The following SMU1 variants were observed in gnomAD, a reference collection of about 807,000 sequenced individuals.
SMU1 encodes the protein WD40 repeat-containing protein SMU1.
A neutral mutation model predicts 62.0 loss-of-function variants in SMU1; 2 were observed. The observed-to-expected ratio is 0.03, with a 90% CI of 0.01 to 0.10. SMU1 has a LOEUF of 0.10. Among genes scored for constraint, SMU1 ranks in the 10% least tolerant of loss-of-function variants. The pLI is 1.00. For synonymous variants in SMU1, 188 were observed against 212.4 expected, an observed-to-expected ratio of 0.89 and a Z score of 1.00; for missense variants, 227 against 622.1, an observed-to-expected ratio of 0.36 and a Z score of 6.76.
intron 3 of SMU1, 72 bp downstream of exon 3, chr9:33,071,663 TAAAAA>T: frequency 1.2e-5 from 14 of 1,159,698 alleles, no homozygotes; most frequent in Admixed American, 3.0e-5. Flanking sequence ...AATAAAATGG[TAAAAA>T]AAAAAAAAAA....
In SMU1 at chr9:33,067,297, CAAA is replaced by C. The variant is rs58105257; in HGVS notation, c.501+1524_501+1526del. On this transcript the variant is annotated intron_variant, in intron 4 of 11. Transcript: ENST00000397149. ...CTGAAGAAAGTTAGTTGCTAATGAC[CAAA>C]AAAAAAAAAAAAAAAAAAAAAAAAT... Among the ~76,000 whole-genome samples, 337 of 52,742 alleles carry C rather than the reference CAAA, an allele frequency of 6.4e-3. 1 individual carries two copies. Among genetic ancestry groups the C allele is most frequent in the African/African-American group, 0.033 (324 of 9,776 alleles). The allele number at this position is 52,742 out of a possible 152,430, so 34.6% of individuals were successfully genotyped here.
chr9:33,057,754 A>T, intron 6 of SMU1, 40 bp from the exon 7 acceptor site: 2 of 1,610,296 alleles, frequency 1.2e-6, no homozygotes, highest in Non-Finnish European at 1.7e-6. Flanking sequence ...AATAACACAA[A>T]GCCAAGACCC....
Position 33,071,784 on chromosome 9 carries a change from G to T in SMU1, c.346C>A (p.His116Asn). 6.2e-7 allele frequency: 1 copy of T among 1,612,220 alleles called. No individual in the cohort carries two copies. Among genetic ancestry groups the T allele is most frequent in the Non-Finnish European group, 8.5e-7 (1 of 1,179,428 alleles). ...LKQTQPERYIHLENLLARSYF... is the reference protein window; with the variant it reads ...LKQTQPERYINLENLLARSYF... Reference sequence around the variant, plus strand: ...GACCTGGCCAAAAGGTTCTCCAGATGAATATATCGCTCTGGCTGTGTTTGT... The same window carrying T: ...GACCTGGCCAAAAGGTTCTCCAGATTAATATATCGCTCTGGCTGTGTTTGT... The change falls in exon 3 of 12, where the codon CAT (histidine) becomes AAT (asparagine). Residue 116 changes from histidine to asparagine, a missense_variant. Physicochemically the swap from His to Asn is moderately conservative, Grantham distance 68. Coordinates refer to ENST00000397149, the MANE Select transcript of SMU1 (RefSeq NM_018225.3).
chr9:33,043,345 C>T lies in SMU1; in HGVS notation c.*3948G>A, dbSNP rs932946708. 1 of 152,198 alleles carries T rather than the reference C, an allele frequency of 6.6e-6. No homozygotes were observed. The highest frequency in any genetic ancestry group is 2.4e-5 in the African/African-American group (1 of 41,448). The allele number at this position is 152,198 out of a possible 1,614,324, so 9.4% of individuals were successfully genotyped here. A position where few individuals can be genotyped will look rare whatever the true frequency, so the allele number is the denominator to read the frequency against. On this transcript the variant is annotated 3_prime_UTR_variant, in exon 12 of 12. Coordinates refer to ENST00000397149, the MANE Select transcript of SMU1 (RefSeq NM_018225.3). Reference sequence around the variant, plus strand: ...ATTTGGTTATCTCAGCATGAAACTTCTGAGACTGACAGCAAGAATTAAAAC... The same window carrying T: ...ATTTGGTTATCTCAGCATGAAACTTTTGAGACTGACAGCAAGAATTAAAAC...
rs754851258 is a variant in SMU1, at chr9:33,057,743, A to G, written c.751-29T>C. The G allele has an allele frequency of 3.1e-6, 5 of 1,611,970 alleles. No homozygotes were observed. In the South Asian group the frequency reaches 4.4e-5, roughly 14 times the overall value. ...AAGAAACAATGGTTAGCAGTTATCA[A>G]AATAACACAAAGCCAAGACCCCAGT... is the stretch of plus-strand genomic sequence containing the variant. On this transcript the variant is annotated intron_variant, in intron 6 of 11. Coordinates refer to ENST00000397149, the MANE Select transcript of SMU1 (RefSeq NM_018225.3).
chr9:33,074,881 C>G (rs1439255064), intron 1 of SMU1, among the ~76,000 whole-genome samples: 1 of 151,676 alleles, frequency 6.6e-6, no homozygotes, highest in African/African-American at 2.4e-5. Flanking sequence ...TCAGGTGATC[C>G]TCTCACCTCA....
intron 10 of SMU1, among the ~76,000 whole-genome samples, chr9:33,048,962 G>A (rs1839214685): frequency 6.6e-6 from 1 of 152,156 alleles, no homozygotes; most frequent in African/African-American, 2.4e-5. Flanking sequence ...ACAAAATTCT[G>A]ATGAAGGATA....
At chr9:33,069,165 A>G (rs1400045876) in intron 3 of SMU1, among the ~76,000 whole-genome samples, 1 of 152,168 alleles carries the variant, frequency 6.6e-6, no homozygotes, top group African/African-American at 2.4e-5. Context: ...GCCAATCCAC[A>G]CTATTATTAT....
At position 33,043,416 on chromosome 9, in the gene SMU1, A is replaced by T. The variant is rs138098065; in HGVS notation, c.*3877T>A. 1 of 152,308 alleles carries T rather than the reference A, an allele frequency of 6.6e-6. No homozygotes were observed. The highest frequency in any genetic ancestry group is 1.9e-4 in the East Asian group (1 of 5,190). 9.4% of individuals were successfully genotyped at this position (152,308 alleles called of 1,614,324 possible). On this transcript the variant is annotated 3_prime_UTR_variant, in exon 12 of 12. Transcript: ENST00000397149. The stretch of plus-strand genomic sequence containing the variant: ...CTACCCTGTAGTCTACCTGCTCTCA[A>T]ATTTGAGCACGCTTGCTGGGCCCCA...
At chr9:33,061,985 G>C in intron 5 of SMU1, 64 bp downstream of exon 5, 1 of 1,557,428 alleles carries the variant, frequency 6.4e-7, no homozygotes, top group Non-Finnish European at 8.8e-7. Flanking sequence ...CACAGGGCCT[G>C]GCTGAGCCCA....
intron 2 of SMU1, among the ~76,000 whole-genome samples, 157 bp downstream of exon 2, chr9:33,073,439 C>A (rs898807317): frequency 1.3e-5 from 2 of 152,014 alleles, no homozygotes; most frequent in African/African-American, 4.8e-5. Context: ...CTGGATTTTC[C>A]AAGAAGGGAG....
intron 4 of SMU1, 108 bp from the exon 5 acceptor site, chr9:33,062,285 G>A: frequency 1.4e-6 from 2 of 1,439,458 alleles, no homozygotes; most frequent in Non-Finnish European, 1.8e-6. Context: ...AAAGCTGTGA[G>A]CCATCTAAAC....
intron 10 of SMU1, among the ~76,000 whole-genome samples, chr9:33,050,303 C>T (rs1465101275): frequency 7.2e-5 from 11 of 152,150 alleles, no homozygotes; most frequent in Admixed American, 2.0e-4. Flanking sequence ...CAAAAGGATA[C>T]ATCCATTTTG....
chr9:33,070,606 T>C (rs1033611547), intron 3 of SMU1, among the ~76,000 whole-genome samples: 1 of 152,156 alleles, frequency 6.6e-6, no homozygotes, highest in African/African-American at 2.4e-5. Context: ...GTGTTCACAA[T>C]AGGCAAGATT....
intron 10 of SMU1, among the ~76,000 whole-genome samples, chr9:33,051,360 C>T (rs1348174362): frequency 6.6e-6 from 1 of 152,080 alleles, no homozygotes; most frequent in Admixed American, 6.6e-5. Context: ...GGAAGTGAAA[C>T]TACTCTGTAC....
intron 9 of SMU1, among the ~76,000 whole-genome samples, 155 bp downstream of exon 9, chr9:33,055,958 T>C (rs1010468710): frequency 6.6e-6 from 1 of 152,238 alleles, no homozygotes; most frequent in Non-Finnish European, 1.5e-5. Context: ...ACCCACAGAA[T>C]ACTGTTGTTG....
In SMU1 at chr9:33,065,379, A is replaced by C. The variant is rs111624154; in HGVS notation, c.502-3202T>G. 2.2e-3 allele frequency among the ~76,000 whole-genome samples: 336 copies of C among 152,338 alleles called. 2 individuals are homozygous for C. Among genetic ancestry groups the C allele is most frequent in the Non-Finnish European group, 3.4e-3 (231 of 68,034 alleles). ...ACTTGCTCTTCACATCTAACCAATT[A>C]AATGTAGAACACATGAGTTTATTTC... is the stretch of plus-strand genomic sequence containing the variant. On this transcript the variant is annotated intron_variant, in intron 4 of 11. Coordinates refer to ENST00000397149, the MANE Select transcript of SMU1 (RefSeq NM_018225.3).
chr9:33,067,459 T>A (rs113924952), intron 4 of SMU1, among the ~76,000 whole-genome samples: 117 of 151,906 alleles, frequency 7.7e-4, no homozygotes, highest in African/African-American at 2.7e-3. Context: ...AACGATGCAC[T>A]GCTATTAGTT....
chr9:33,058,355 C>T (rs1587708711), intron 6 of SMU1, among the ~76,000 whole-genome samples: 1 of 152,132 alleles, frequency 6.6e-6, no homozygotes, highest in South Asian at 2.1e-4. Flanking sequence ...CTTGCTCTGT[C>T]GTCTAGGCTG....
Sources: gnomAD v4.1 joint callset for allele counts (sites outside exome capture counted in the v4.1 genomes callset) on GRCh38, gnomAD v4.1.1 for gene constraint, MANE v1.5 for transcripts, NCBI Gene and HGNC (gene_info 2026-07-23, HGNC 2026-07-21) for gene names.